The following SRRD variants were observed in gnomAD, a reference collection of about 807,000 sequenced individuals.
The protein encoded by SRRD is SRR1 domain containing, also known as SRR1-like protein.
SRRD carries 28 observed loss-of-function variants against 30.7 expected under a neutral mutation model. The ratio of observed to expected loss-of-function variants is 0.91; its 90% CI spans 0.68 to 1.25. SRRD has a LOEUF of 1.25. Among genes scored for constraint, SRRD ranks in the 50% most tolerant of loss-of-function variants. The pLI, the probability that SRRD is intolerant of heterozygous loss-of-function variation, is 0.00. For missense variants in SRRD, 415 were observed against 417.3 expected (o/e 0.99, Z 0.05); for synonymous variants, 161 against 159.6 (o/e 1.01, Z -0.07).
rs1475333828 is a variant in SRRD, at chr22:26,492,364, G to A, written c.*692G>A. 1.2e-6 allele frequency: 2 copies of A among 1,614,028 alleles called. No homozygotes were observed. Among genetic ancestry groups the A allele is most frequent in the Non-Finnish European group, 8.5e-7 (1 of 1,179,938 alleles). On this transcript the variant is annotated 3_prime_UTR_variant, in exon 7 of 7. Transcript: ENST00000215917. Reference sequence around the variant, plus strand: ...TCTCCCGTGCTCCTGGCTGCATGTAGGCACCTAAGATACAGGAGGACAGGG... The same window carrying A: ...TCTCCCGTGCTCCTGGCTGCATGTAAGCACCTAAGATACAGGAGGACAGGG...
In SRRD at chr22:26,491,966, A is replaced by C; in HGVS notation, c.*294A>C. 6.6e-7 allele frequency: 1 copy of C among 1,510,084 alleles called. No individual in the cohort carries two copies. Among genetic ancestry groups the C allele is most frequent in the Non-Finnish European group, 9.0e-7 (1 of 1,111,602 alleles). The allele number at this position is 1,510,084 out of a possible 1,614,324, so 93.5% of individuals were successfully genotyped here. A position where few individuals can be genotyped will look rare whatever the true frequency, so the allele number is the denominator to read the frequency against. ...TAAAAATACTGTTTATTTACAGTAC[A>C]TCCCTCTTAGGGGCAAGTCTCTGAC... On this transcript the variant is annotated 3_prime_UTR_variant, in exon 7 of 7. Coordinates refer to ENST00000215917, the MANE Select transcript of SRRD (RefSeq NM_001013694.3).
chr22:26,492,096 T>G lies in SRRD; in HGVS notation c.*424T>G. 1 of 1,614,058 alleles carries G rather than the reference T, an allele frequency of 6.2e-7. No individual in the cohort carries two copies. Among genetic ancestry groups the G allele is most frequent in the Non-Finnish European group, 8.5e-7 (1 of 1,179,956 alleles). On this transcript the variant is annotated 3_prime_UTR_variant, in exon 7 of 7. Transcript: ENST00000215917. ...TGGACAAAGACCACTCCCCGGTCGA[T>G]GTAGATCACAATGCGGCCAAAGGTG... is the stretch of plus-strand genomic sequence containing the variant.
chr22:26,484,845 TATC>T (rs1180686401), intron 1 of SRRD, among the ~76,000 whole-genome samples: 1 of 152,242 alleles, frequency 6.6e-6, no homozygotes, highest in African/African-American at 2.4e-5. Context: ...TTAGTATTAT[TATC>T]TTTATTCGCA....
chr22:26,491,241 T>C (rs1014586536), intron 6 of SRRD, 171 bp downstream of exon 6: 1 of 767,546 alleles, frequency 1.3e-6, no homozygotes, highest in African/African-American at 1.8e-5. Context: ...ATGCATCTCT[T>C]AGTTTTTTCC....
At chr22:26,490,541 C>T (rs1032006725) in intron 5 of SRRD, among the ~76,000 whole-genome samples, 6 of 100,180 alleles carry the variant, frequency 6.0e-5, no homozygotes, top group Non-Finnish European at 1.3e-4. Flanking sequence ...GAAATGGGCA[C>T]AATTACTGGA....
Position 26,490,041 on chromosome 22 carries a change from C to G in SRRD, c.610-3C>G. On this transcript the variant is annotated splice_polypyrimidine_tract_variant and splice_region_variant and intron_variant, in intron 4 of 6. Transcript: ENST00000215917. Reference sequence around the variant, plus strand: ...TTTACACCTGTGAATATCGTATCCCCAGGAAGGGAAACGGAGTATTCGCGG... The same window carrying G: ...TTTACACCTGTGAATATCGTATCCCGAGGAAGGGAAACGGAGTATTCGCGG... The G allele has an allele frequency of 6.2e-7, 1 of 1,613,860 alleles. No individual in the cohort carries two copies. Among genetic ancestry groups the G allele is most frequent in the Non-Finnish European group, 8.5e-7 (1 of 1,179,840 alleles).
chr22:26,491,772 G>T lies in SRRD; in HGVS notation c.*100G>T, dbSNP rs114590603. The T allele has an allele frequency of 1.8e-4, 203 of 1,159,372 alleles. No individual in the cohort carries two copies. In the African/African-American group the frequency reaches 2.6e-3, roughly 15 times the overall value. 71.8% of individuals were successfully genotyped at this position (1,159,372 alleles called of 1,614,324 possible). A position where few individuals can be genotyped will look rare whatever the true frequency, so the allele number is the denominator to read the frequency against. ...GAACTACAGAGAACTCCTTTGCCAG[G>T]AAAGAACATCAACTTGGCTGTCCTG... is the stretch of plus-strand genomic sequence containing the variant. On this transcript the variant is annotated 3_prime_UTR_variant, in exon 7 of 7. Coordinates refer to ENST00000215917, the MANE Select transcript of SRRD (RefSeq NM_001013694.3).
At chr22:26,489,509 A>C (rs1311563946) in intron 4 of SRRD, among the ~76,000 whole-genome samples, 3 of 152,022 alleles carry the variant, frequency 2.0e-5, no homozygotes, top group Admixed American at 6.6e-5. Context: ...TGTTATTAAC[A>C]CAAGGGAAGC....
Position 26,491,565 on chromosome 22 carries a change from C to T in SRRD, c.913C>T (p.Gln305Ter). 6.2e-7 allele frequency: 1 copy of T among 1,614,072 alleles called. No homozygotes were observed. ...VHWFPVQKLE[Q>*]LSIDIWEFRE... ...CTGGTTCCCTGTGCAAAAGCTAGAACAGCTCTCCATAGATATTTGGGAGTT... is the reference window on the plus strand; with the variant it reads ...CTGGTTCCCTGTGCAAAAGCTAGAATAGCTCTCCATAGATATTTGGGAGTT... Residue 305 changes from glutamine (Q) to a stop codon, truncating the protein, a stop_gained, in exon 7 of 7, where the codon CAG becomes TAG. Coordinates refer to ENST00000215917, the MANE Select transcript of SRRD (RefSeq NM_001013694.3). LOFTEE classifies it low-confidence loss of function (END_TRUNC).
At chr22:26,486,932 T>C (rs1038340515) in intron 2 of SRRD, among the ~76,000 whole-genome samples, 1 of 150,908 alleles carries the variant, frequency 6.6e-6, no homozygotes, top group Non-Finnish European at 1.5e-5. Flanking sequence ...TTTTTTTTTT[T>C]TTCTTTTGAG....
chr22:26,490,856 T>A, intron 5 of SRRD, 169 bp from the exon 6 acceptor site: 1 of 619,066 alleles, frequency 1.6e-6, no homozygotes, highest in Non-Finnish European at 2.8e-6. Context: ...CTGGCCCACA[T>A]TTTCAACTAT....
intron 1 of SRRD, 21 bp downstream of exon 1, chr22:26,484,120 G>T (rs1259587538): frequency 2.6e-6 from 4 of 1,526,580 alleles, no homozygotes; most frequent in Non-Finnish European, 3.5e-6. Context: ...GCTCGGCCCT[G>T]ATGGAATCTT....
rs1186036904 is a variant in SRRD at position 26,488,465 on chromosome 22, G to A, written c.586G>A (p.Val196Met). The change falls in exon 4 of 7, where the codon GTG becomes ATG. Residue 196 changes from valine to methionine, a missense_variant. Transcript: ENST00000215917. ...LEIEVLNTLG[V>M]TVLSENEEGK... ...AATTGAAGTCCTTAACACCCTTGGT[G>A]TGACTGTTCTCAGTGAGAACGAGGT... The A allele has an allele frequency of 1.9e-6, 3 of 1,614,012 alleles. No individual in the cohort carries two copies. The highest frequency in any genetic ancestry group is 2.5e-6 in the Non-Finnish European group (3 of 1,179,952).
chr22:26,492,110 C>A lies in SRRD; in HGVS notation c.*438C>A. The A allele has an allele frequency of 6.2e-7, 1 of 1,613,982 alleles. No individual in the cohort carries two copies. The highest frequency in any genetic ancestry group is 8.5e-7 in the Non-Finnish European group (1 of 1,179,944). On this transcript the variant is annotated 3_prime_UTR_variant, in exon 7 of 7. Transcript: ENST00000215917. ...TCCCCGGTCGATGTAGATCACAATG[C>A]GGCCAAAGGTGTAGAGCTGCTTCCC...
intron 4 of SRRD, 98 bp from the exon 5 acceptor site, chr22:26,489,946 A>T (rs752659914): frequency 2.4e-5 from 33 of 1,371,194 alleles, no homozygotes; most frequent in Non-Finnish European, 3.3e-5. Flanking sequence ...TTGATCCTTT[A>T]GTTTGTCTCA....
At position 26,492,358 on chromosome 22, in the gene SRRD, C is replaced by T. The variant is rs2147115389; in HGVS notation, c.*686C>T. The T allele has an allele frequency of 6.2e-7, 1 of 1,614,080 alleles. No homozygotes were observed. Among genetic ancestry groups the T allele is most frequent in the South Asian group, 1.1e-5 (1 of 91,080 alleles). ...CAATGTTCTCCCGTGCTCCTGGCTG[C>T]ATGTAGGCACCTAAGATACAGGAGG... On this transcript the variant is annotated 3_prime_UTR_variant, in exon 7 of 7. Coordinates refer to ENST00000215917, the MANE Select transcript of SRRD (RefSeq NM_001013694.3).
rs200647734 is a variant in SRRD, at chr22:26,486,082, A to G, written c.250+19A>G. On this transcript the variant is annotated intron_variant, in intron 2 of 6. Transcript: ENST00000215917. Reference sequence around the variant, plus strand: ...GCACTAGGTGGGTACCACTTGGCCAATGGTAGGGATTGTGGGGCAGAAAAG... The same window carrying G: ...GCACTAGGTGGGTACCACTTGGCCAGTGGTAGGGATTGTGGGGCAGAAAAG... 2.5e-5 allele frequency: 40 copies of G among 1,613,918 alleles called. No individual in the cohort carries two copies. Among genetic ancestry groups the G allele is most frequent in the Non-Finnish European group, 3.4e-5 (40 of 1,179,962 alleles).
intron 1 of SRRD, among the ~76,000 whole-genome samples, chr22:26,485,184 C>T (rs1376938613): frequency 6.6e-6 from 1 of 152,206 alleles, no homozygotes; most frequent in African/African-American, 2.4e-5. Flanking sequence ...CAGTATTCCC[C>T]AGGAGCTCCT....
rs746569667 is a variant in SRRD, at chr22:26,484,014, CGGGGGAGAGA to C, written c.127_136del (p.Gly43ArgfsTer38). The C allele has an allele frequency of 2.1e-5, 30 of 1,402,606 alleles. No individual in the cohort carries two copies. The highest frequency in any genetic ancestry group is 3.0e-5 in the South Asian group (2 of 65,768). 86.9% of individuals were successfully genotyped at this position (1,402,606 alleles called of 1,614,324 possible). ...GCCCCGGGGGAGAGAGGCGGCGCCC[CGGGGGAGAGA>C]GGCGGCGCCCCGGGGCCCCGAGGCG... is the stretch of plus-strand genomic sequence containing the variant. On this transcript the variant is annotated frameshift_variant, in exon 1 of 7. Coordinates refer to ENST00000215917, the MANE Select transcript of SRRD (RefSeq NM_001013694.3). LOFTEE classifies it high-confidence loss of function.
Sources: allele counts gnomAD v4.1 joint callset (sites outside exome capture counted in the v4.1 genomes callset), GRCh38; gene constraint gnomAD v4.1.1; transcripts MANE v1.5; gene names NCBI Gene and HGNC (gene_info 2026-07-23, HGNC 2026-07-21).